TRMT1L: variants seen among roughly 807,000 people sequenced by gnomAD.
TRMT1L encodes tRNA methyltransferase 1L, also known as tRNA (guanine(27)-N(2))-dimethyltransferase.
TRMT1L carries 28 observed loss-of-function variants against 81.6 expected under a neutral mutation model. The observed-to-expected ratio is 0.34, with a 90% CI of 0.25 to 0.47. TRMT1L has a LOEUF of 0.47. Among genes scored for constraint, TRMT1L ranks in the 20% least tolerant of loss-of-function variants. The pLI is 1.00. For synonymous variants in TRMT1L, 301 were observed against 303.2 expected, an observed-to-expected ratio of 0.99 and a Z score of 0.07; for missense variants, 739 against 877.1, an observed-to-expected ratio of 0.84 and a Z score of 1.99.
chr1:185,151,112 A>T (rs758953460), intron 2 of TRMT1L, among the ~76,000 whole-genome samples: 1 of 152,216 alleles, frequency 6.6e-6, no homozygotes, highest in Non-Finnish European at 1.5e-5. Context: ...TGTCTTATTT[A>T]ATTAGAAATA....
intron 10 of TRMT1L, among the ~76,000 whole-genome samples, chr1:185,135,273 G>A (rs996261251): frequency 6.6e-6 from 1 of 151,940 alleles, no homozygotes; most frequent in Non-Finnish European, 1.5e-5. Flanking sequence ...AAAGTTAGCC[G>A]GGCATGATGG....
In TRMT1L at chr1:185,123,908, C is replaced by T. The variant is rs1163164472; in HGVS notation, c.1771G>A (p.Val591Ile). Residue 591 changes from valine (V) to isoleucine (I), a missense_variant, in exon 13 of 15, where the codon GTA becomes ATA. By Grantham distance (29) the Val-to-Ile change is conservative. This residue lies in a region of TRMT1L where 196 missense variants were observed against 232.6 expected (regional missense o/e 0.84). Coordinates refer to ENST00000367506, the MANE Select transcript of TRMT1L (RefSeq NM_030934.5). The stretch of plus-strand genomic sequence containing the variant: ...GTGTCATCTGTAGTTTTAATAAATA[C>T]ACCATTTTCTTCTAAAAAATAAAGC... ...SNVNKQEENG[V>I]FIKTTDDTTT... 2 of 1,498,430 alleles carry T rather than the reference C, an allele frequency of 1.3e-6. No individual in the cohort carries two copies. Among genetic ancestry groups the T allele is most frequent in the African/African-American group, 1.4e-5 (1 of 70,804 alleles). The allele number at this position is 1,498,430 out of a possible 1,614,324, so 92.8% of individuals were successfully genotyped here.
chr1:185,154,336 G>A (rs1212664192), intron 1 of TRMT1L, among the ~76,000 whole-genome samples: 1 of 152,188 alleles, frequency 6.6e-6, no homozygotes, highest in African/African-American at 2.4e-5. Context: ...TGGGAGTATA[G>A]GCTGGTGCCT....
chr1:185,143,852 G>T (rs1653114673), intron 6 of TRMT1L, 54 bp downstream of exon 6: 1 of 1,473,272 alleles, frequency 6.8e-7, no homozygotes, highest in Admixed American at 2.0e-5. Flanking sequence ...TTAAGAGAAG[G>T]TACACTTATA....
At chr1:185,133,212 A>G (rs973305209) in intron 10 of TRMT1L, among the ~76,000 whole-genome samples, 3 of 152,210 alleles carry the variant, frequency 2.0e-5, no homozygotes, top group Non-Finnish European at 4.4e-5. Context: ...AAACATTATT[A>G]TAACATATAT....
chr1:185,156,917 C>A lies in TRMT1L; in HGVS notation c.-205G>T. ...AACAGAAAGCCAGAGGCAGCGATTC[C>A]AGATGCCCGTCCGCTTCCCTTTCCC... On this transcript the variant is annotated 5_prime_UTR_variant, in exon 1 of 15. Coordinates refer to ENST00000367506, the MANE Select transcript of TRMT1L (RefSeq NM_030934.5). 1.5e-6 allele frequency: 1 copy of A among 669,176 alleles called. No individual in the cohort carries two copies. Among genetic ancestry groups the A allele is most frequent in the Non-Finnish European group, 2.4e-6 (1 of 422,784 alleles). 41.5% of individuals were successfully genotyped at this position (669,176 alleles called of 1,614,324 possible). A position where few individuals can be genotyped will look rare whatever the true frequency, so the allele number is the denominator to read the frequency against.
intron 8 of TRMT1L, 43 bp downstream of exon 8, chr1:185,139,930 C>T (rs374079800): frequency 5.2e-4 from 805 of 1,550,734 alleles, no homozygotes; most frequent in Non-Finnish European, 6.1e-4. Flanking sequence ...CCCAAAATTT[C>T]AGATAAGTTT....
chr1:185,118,338 CAT>C lies in TRMT1L; in HGVS notation c.*1679_*1680del, dbSNP rs1652412622. 2.0e-5 allele frequency: 3 copies of C among 152,022 alleles called. No individual in the cohort carries two copies. The highest frequency in any genetic ancestry group is 4.1e-4 in the South Asian group (2 of 4,836). The allele number at this position is 152,022 out of a possible 1,614,324, so 9.4% of individuals were successfully genotyped here. A position where few individuals can be genotyped will look rare whatever the true frequency, so the allele number is the denominator to read the frequency against. On this transcript the variant is annotated 3_prime_UTR_variant, in exon 15 of 15. Transcript: ENST00000367506. ...CCTTTATATGTGAAATTAATATACA[CAT>C]ATATTTTAGGTAACAGTAATTTACA...
chr1:185,130,890 T>C (rs1652753063), intron 10 of TRMT1L, among the ~76,000 whole-genome samples: 1 of 152,132 alleles, frequency 6.6e-6, no homozygotes, highest in South Asian at 2.1e-4. Context: ...TCTGGAAAAA[T>C]TTACCAATCC....
rs1335567425 is a variant in TRMT1L at position 185,124,929 on chromosome 1, C to T, written c.1759+15G>A. ...AAGCAGTTTAAAGCTAGTAAGCTAG[C>T]GTTCAGTTAGTCACCTTGCTTGTTG... is the stretch of plus-strand genomic sequence containing the variant. On this transcript the variant is annotated intron_variant, in intron 12 of 14. Coordinates refer to ENST00000367506, the MANE Select transcript of TRMT1L (RefSeq NM_030934.5). The T allele has an allele frequency of 9.4e-6, 15 of 1,599,292 alleles. No individual in the cohort carries two copies. The highest frequency in any genetic ancestry group is 2.3e-5 in the South Asian group (2 of 87,900).
rs1040335050 is a variant in TRMT1L, at chr1:185,139,546, A to G, written c.1143T>C (p.Tyr381=). The change falls in exon 9 of 15, where the codon TAT becomes TAC. Residue 381 remains tyrosine, a synonymous_variant. Transcript: ENST00000367506. ...HLDPFGTSVN[Y]LDSAFRNIRN... Reference sequence around the variant, plus strand: ...TTATATTTCTGAATGCAGAATCTAGATAATTCACTGATGTTCCAAAAGGGT... The same window carrying G: ...TTATATTTCTGAATGCAGAATCTAGGTAATTCACTGATGTTCCAAAAGGGT... 5 of 1,613,314 alleles carry G rather than the reference A, an allele frequency of 3.1e-6. No individual in the cohort carries two copies. The highest frequency in any genetic ancestry group is 3.3e-5 in the Admixed American group (2 of 60,004).
At chr1:185,156,148 A>C (rs956546974) in intron 1 of TRMT1L, among the ~76,000 whole-genome samples, 37 of 152,350 alleles carry the variant, frequency 2.4e-4, no homozygotes, top group African/African-American at 8.9e-4. Context: ...GGACTGCGGG[A>C]AACTACCAAA....
At chr1:185,123,579 A>G (rs1652549039) in intron 13 of TRMT1L, among the ~76,000 whole-genome samples, 1 of 152,098 alleles carries the variant, frequency 6.6e-6, no homozygotes, top group Non-Finnish European at 1.5e-5. Context: ...ATATAACTTT[A>G]TCATATATAA....
chr1:185,150,360 C>A lies in TRMT1L; in HGVS notation c.460+19G>T. ...GAATTTCATATATATTACTTCTTTG[C>A]AAGCACAAAAATACTAACCTTCAAA... On this transcript the variant is annotated intron_variant, in intron 3 of 14. Transcript: ENST00000367506. The A allele has an allele frequency of 6.4e-7, 1 of 1,561,822 alleles. No homozygotes were observed. Among genetic ancestry groups the A allele is most frequent in the African/African-American group, 1.4e-5 (1 of 73,566 alleles).
intron 7 of TRMT1L, among the ~76,000 whole-genome samples, chr1:185,140,561 G>A (rs1158950117): frequency 6.6e-6 from 1 of 151,966 alleles, no homozygotes; most frequent in Non-Finnish European, 1.5e-5. Flanking sequence ...TACTCTGCTT[G>A]AAGGGAGGAT....
At chr1:185,136,735 A>T (rs975317942) in intron 10 of TRMT1L, among the ~76,000 whole-genome samples, 1 of 152,206 alleles carries the variant, frequency 6.6e-6, no homozygotes, top group African/African-American at 2.4e-5. Context: ...TCTATAGTCA[A>T]AACAGTATGA....
chr1:185,142,442 C>T (rs1235952987), intron 7 of TRMT1L, among the ~76,000 whole-genome samples: 1 of 152,060 alleles, frequency 6.6e-6, no homozygotes, highest in East Asian at 1.9e-4. Context: ...TAAAGAAGGA[C>T]CTGGATTGGG....
intron 13 of TRMT1L, among the ~76,000 whole-genome samples, chr1:185,122,503 C>G (rs1557983620): frequency 6.6e-6 from 1 of 152,090 alleles, no homozygotes; most frequent in Non-Finnish European, 1.5e-5. Context: ...CCACTTCAGC[C>G]TCCTGAGTAG....
chr1:185,152,699 TA>T (rs1187526868), intron 1 of TRMT1L, among the ~76,000 whole-genome samples: 3 of 151,812 alleles, frequency 2.0e-5, no homozygotes, highest in Non-Finnish European at 4.4e-5. Context: ...ATATGAGAAG[TA>T]AAGGTGAAGG....
Sources: gnomAD v4.1 joint callset for allele counts (sites outside exome capture counted in the v4.1 genomes callset) on GRCh38, gnomAD v4.1.1 for gene constraint, gnomAD v4.1.1 regional missense constraint, MANE v1.5 for transcripts, NCBI Gene and HGNC (gene_info 2026-07-23, HGNC 2026-07-21) for gene names.